Variants in TFEB observed in about 807,000 individuals in gnomAD.
The protein encoded by TFEB is transcription factor EB, also known as T-cell transcription factor EB.
A neutral mutation model predicts 48.0 loss-of-function variants in TFEB; 12 were observed. The ratio of observed to expected loss-of-function variants is 0.25; its 90% CI spans 0.16 to 0.40. The LOEUF (loss-of-function observed/expected upper bound fraction) is 0.40, where lower values mean the gene tolerates loss of function less well. TFEB is among the 10% of genes least tolerant of loss of function. The pLI is 1.00. For synonymous variants in TFEB, 244 were observed against 261.4 expected, an observed-to-expected ratio of 0.93 and a Z score of 0.64; for missense variants, 509 against 640.3, an observed-to-expected ratio of 0.79 and a Z score of 2.21.
rs76729144 is a variant in TFEB, at chr6:41,703,170, G to T, written c.-22-11935C>A. ...CACACTCCAGCATCTTCTGCTAGCT[G>T]CCAGCTGCTTAGGGCAGGGAAGGCT... On this transcript the variant is annotated intron_variant, in intron 1 of 8. Transcript: ENST00000373033. 2.7e-4 allele frequency among the ~76,000 whole-genome samples: 41 copies of T among 152,336 alleles called. 1 individual carries two copies. In the East Asian group the frequency reaches 5.0e-3, roughly 19 times the overall value.
chr6:41,712,087 C>T (rs531823705), intron 1 of TFEB, among the ~76,000 whole-genome samples: 1 of 152,306 alleles, frequency 6.6e-6, no homozygotes, highest in East Asian at 1.9e-4. Flanking sequence ...CTAGAAGGCA[C>T]AGTGGATGTA....
intron 1 of TFEB, among the ~76,000 whole-genome samples, chr6:41,711,115 C>A (rs557598519): frequency 6.6e-6 from 1 of 152,330 alleles, no homozygotes; most frequent in East Asian, 1.9e-4. Flanking sequence ...CTTCTAAAGC[C>A]GTGATAGAGC....
At chr6:41,722,066 G>A (rs1378543988) in intron 1 of TFEB, among the ~76,000 whole-genome samples, 3 of 152,070 alleles carry the variant, frequency 2.0e-5, no homozygotes, top group Non-Finnish European at 2.9e-5. Context: ...GAACCCCTTC[G>A]CCTCCTGGGT....
At position 41,691,080 on chromosome 6, in the gene TFEB, AGCTGCTGCTGTTGCTGCT is replaced by A; in HGVS notation, c.116_133del (p.Gln39_Gln44del). 2 of 1,574,550 alleles carry A rather than the reference AGCTGCTGCTGTTGCTGCT, an allele frequency of 1.3e-6. No homozygotes were observed. The highest frequency in any genetic ancestry group is 8.6e-7 in the Non-Finnish European group (1 of 1,158,916). ...GATGGCCGGGGTGGGCGGCCCTCCG[AGCTGCTGCTGTTGCTGCT>A]GCTGCTGCTGCTGCATGTAATGCAT... is the stretch of plus-strand genomic sequence containing the variant. On this transcript the variant is annotated inframe_deletion, in exon 2 of 9. Transcript: ENST00000373033. The surrounding 1 kb of genome is among the most constrained non-coding windows in gnomAD (Gnocchi z 5.2).
intron 1 of TFEB, among the ~76,000 whole-genome samples, chr6:41,693,884 C>T (rs954110784): frequency 6.6e-6 from 1 of 152,050 alleles, no homozygotes; most frequent in Non-Finnish European, 1.5e-5. Flanking sequence ...TGTCTTTGTA[C>T]CCCCACTGCC....
Position 41,734,895 on chromosome 6 carries a change from C to T in TFEB, c.-23+455G>A, listed in dbSNP as rs1771611182. On this transcript the variant is annotated intron_variant, in intron 1 of 8. Transcript: ENST00000373033. The surrounding 1 kb of genome is among the most constrained non-coding windows in gnomAD (Gnocchi z 4.0). The stretch of plus-strand genomic sequence containing the variant: ...CCAGACTCAGCCCCCGCACACCTCC[C>T]CTACCTCCGACCCCCTCTCAGGCAT... The T allele has an allele frequency of 2.0e-6, 2 of 985,458 alleles. No homozygotes were observed. The highest frequency in any genetic ancestry group is 1.1e-4 in the East Asian group (1 of 8,772). 61.0% of individuals were successfully genotyped at this position (985,458 alleles called of 1,614,324 possible). A position where few individuals can be genotyped will look rare whatever the true frequency, so the allele number is the denominator to read the frequency against.
chr6:41,687,029 C>A, intron 7 of TFEB, 65 bp downstream of exon 7: 2 of 1,365,078 alleles, frequency 1.5e-6, no homozygotes, highest in Admixed American at 3.4e-5. Flanking sequence ...GGGCTGAGGG[C>A]AGATAATACT....
intron 1 of TFEB, among the ~76,000 whole-genome samples, chr6:41,711,660 T>C (rs1395594340): frequency 6.6e-6 from 1 of 152,066 alleles, no homozygotes; most frequent in African/African-American, 2.4e-5. Context: ...AACAAAAGGG[T>C]GGGCTGTTGG....
In TFEB at chr6:41,684,997, C is replaced by T. The variant is rs1182009836; in HGVS notation, c.1033G>A (p.Val345Met). ...TCGCTAGGCAGCTCCTGCTTCACCA[C>T]CTGCTGGGCCAGCTCAGCCATGTTC... ...GMNMAELAQQ[V>M]VKQELPSEEG... Residue 345 changes from valine to methionine, a missense_variant, in exon 9 of 9, where the codon GTG (valine) becomes ATG (methionine). Around this residue, in one of 4 missense-constraint regions of TFEB, gnomAD observed 62 missense variants for 90.2 expected, o/e 0.69. Coordinates refer to ENST00000373033, the MANE Select transcript of TFEB (RefSeq NM_001271944.2). 1 of 1,556,516 alleles carries T rather than the reference C, an allele frequency of 6.4e-7. No homozygotes were observed. Among genetic ancestry groups the T allele is most frequent in the Non-Finnish European group, 8.7e-7 (1 of 1,151,650 alleles).
At chr6:41,726,518 A>G (rs1011717969) in intron 1 of TFEB, among the ~76,000 whole-genome samples, 7 of 151,606 alleles carry the variant, frequency 4.6e-5, no homozygotes, top group African/African-American at 1.7e-4. Flanking sequence ...ATCTTGGCTC[A>G]CTGCAACCTC....
rs9471637 is a variant in TFEB, at chr6:41,724,957, G to A, written c.-23+10393C>T. Among the ~76,000 whole-genome samples the A allele has an allele frequency of 0.11, 16,444 of 152,182 alleles. 1,181 individuals carry two copies. Among genetic ancestry groups the A allele is most frequent in the African/African-American group, 0.19 (7,774 of 41,502 alleles). Reference sequence around the variant, plus strand: ...TGAAAAGGCCTGGCTCTACTGGAACGCAACAGCCACAAGGCCCCTTTGCAG... The same window carrying A: ...TGAAAAGGCCTGGCTCTACTGGAACACAACAGCCACAAGGCCCCTTTGCAG... On this transcript the variant is annotated intron_variant, in intron 1 of 8. Transcript: ENST00000373033. The surrounding 1 kb of genome is among the most constrained non-coding windows in gnomAD (Gnocchi z 4.4).
At chr6:41,731,290 A>G (rs1027847878) in intron 1 of TFEB, among the ~76,000 whole-genome samples, 3 of 152,046 alleles carry the variant, frequency 2.0e-5, no homozygotes, top group Non-Finnish European at 4.4e-5. Flanking sequence ...TGCAAGCCAC[A>G]TAGCCTGGCC....
chr6:41,696,508 C>T (rs950818066), intron 1 of TFEB, among the ~76,000 whole-genome samples: 4 of 152,034 alleles, frequency 2.6e-5, no homozygotes, highest in Admixed American at 1.3e-4. Context: ...GCCTGGCCAA[C>T]GTGGTGAAAC....
intron 1 of TFEB, among the ~76,000 whole-genome samples, chr6:41,704,703 C>T (rs1296271569): frequency 2.6e-5 from 4 of 152,208 alleles, no homozygotes; most frequent in Non-Finnish European, 5.9e-5. Flanking sequence ...GGACTTAGTT[C>T]CCTGGTTCCA....
At position 41,690,832 on chromosome 6, in the gene TFEB, T is replaced by C. The variant is rs1364901947; in HGVS notation, c.299A>G (p.Tyr100Cys). The C allele has an allele frequency of 5.6e-6, 9 of 1,613,030 alleles. No individual in the cohort carries two copies. In the Admixed American group the frequency reaches 1.0e-4, roughly 18 times the overall value. ...GATGTGGGCAGCAAACTTGTTCCCA[T>C]AGGTCTCGGACAGGTACTCCCGCAC... The part of the protein sequence containing the change: ...QKVREYLSET[Y>C]GNKFAAHISP... The change falls in exon 3 of 9, where the codon TAT (tyrosine) becomes TGT (cysteine). Residue 100 changes from tyrosine (Y) to cysteine (C), a missense_variant. Physicochemically the swap from Tyr to Cys is radical, Grantham distance 194. Around this residue, in one of 4 missense-constraint regions of TFEB, gnomAD observed 251 missense variants for 317.2 expected, o/e 0.79. Coordinates refer to ENST00000373033, the MANE Select transcript of TFEB (RefSeq NM_001271944.2).
intron 1 of TFEB, among the ~76,000 whole-genome samples, chr6:41,699,206 G>T (rs1244055342): frequency 6.6e-6 from 1 of 152,258 alleles, no homozygotes; most frequent in Non-Finnish European, 1.5e-5. Flanking sequence ...AAGTGAGGAG[G>T]CTGGGTGTGT....
At chr6:41,715,498 C>T (rs1770696459) in intron 1 of TFEB, among the ~76,000 whole-genome samples, 1 of 152,056 alleles carries the variant, frequency 6.6e-6, no homozygotes, top group Non-Finnish European at 1.5e-5. Context: ...GGTGAAACCC[C>T]ATCTCTACTA....
chr6:41,721,438 C>T (rs1770980342), intron 1 of TFEB, among the ~76,000 whole-genome samples: 1 of 151,872 alleles, frequency 6.6e-6, no homozygotes, highest in Non-Finnish European at 1.5e-5. Context: ...CTTACTGATA[C>T]TGAGCAATAC....
At position 41,735,461 on chromosome 6, in the gene TFEB, T is replaced by C; in HGVS notation, c.-134A>G. On this transcript the variant is annotated 5_prime_UTR_variant, in exon 1 of 9. Transcript: ENST00000373033. ...TGCCCGCCACCTGCTCCCGGCCTGC[T>C]CCGGCCCCGTGCCACCAGGGAGGCC... 2.0e-6 allele frequency: 2 copies of C among 984,512 alleles called. No homozygotes were observed. Among genetic ancestry groups the C allele is most frequent in the Non-Finnish European group, 2.4e-6 (2 of 829,694 alleles). 61.0% of individuals were successfully genotyped at this position (984,512 alleles called of 1,614,324 possible). A position where few individuals can be genotyped will look rare whatever the true frequency, so the allele number is the denominator to read the frequency against.
Sources: gnomAD v4.1 joint callset for allele counts (sites outside exome capture counted in the v4.1 genomes callset) on GRCh38, gnomAD v4.1.1 for gene constraint, gnomAD v4.1.1 regional missense constraint, Gnocchi (gnomAD v3.1) non-coding constraint, MANE v1.5 for transcripts, NCBI Gene and HGNC (gene_info 2026-07-23, HGNC 2026-07-21) for gene names.